The following AKAP13 variants were observed in gnomAD, a reference collection of about 807,000 sequenced individuals.
AKAP13 encodes A-kinase anchoring protein 13.
A neutral mutation model predicts 264.5 loss-of-function variants in AKAP13; 80 were observed. The observed-to-expected ratio is 0.30, with a 90% CI of 0.25 to 0.36. The LOEUF is 0.36. Ranked by LOEUF, AKAP13 falls within the 10% of genes least tolerant of loss-of-function variation. AKAP13 has a pLI of 1.00. For missense variants in AKAP13, 3,712 were observed against 3,435.2 expected (o/e 1.08, Z -2.01); for synonymous variants, 1,380 against 1,250.2 (o/e 1.10, Z -2.19).
intron 1 of AKAP13, among the ~76,000 whole-genome samples, chr15:85,423,072 T>C (rs966867267): frequency 2.0e-5 from 3 of 152,250 alleles, no homozygotes; most frequent in African/African-American, 7.2e-5. Context: ...TAAAAAATGC[T>C]AACAATCATG....
intron 8 of AKAP13, among the ~76,000 whole-genome samples, chr15:85,602,297 T>A (rs959410845): frequency 2.0e-5 from 3 of 151,592 alleles, no homozygotes; most frequent in African/African-American, 7.3e-5. Flanking sequence ...TGCCTCAGCC[T>A]CCCAAGTAGC....
At chr15:85,609,553 A>G (rs1016885878) in intron 8 of AKAP13, among the ~76,000 whole-genome samples, 1 of 152,196 alleles carries the variant, frequency 6.6e-6, no homozygotes, top group African/African-American at 2.4e-5. Context: ...TACCTTGGCT[A>G]TTGCAAACAG....
intron 1 of AKAP13, among the ~76,000 whole-genome samples, chr15:85,383,600 ATTTC>A (rs1246498137): frequency 6.6e-6 from 1 of 152,208 alleles, no homozygotes; most frequent in East Asian, 1.9e-4. Flanking sequence ...ATCGAAGTCT[ATTTC>A]TTCAAAGGTG....
At chr15:85,559,556 G>A (rs976490607) in intron 5 of AKAP13, among the ~76,000 whole-genome samples, 7 of 152,136 alleles carry the variant, frequency 4.6e-5, no homozygotes, top group Admixed American at 4.6e-4. Flanking sequence ...CCCTGAGCTT[G>A]TTTTCCTGCA....
At chr15:85,411,130 T>C (rs758416330) in intron 1 of AKAP13, among the ~76,000 whole-genome samples, 4 of 152,324 alleles carry the variant, frequency 2.6e-5, no homozygotes, top group Non-Finnish European at 5.9e-5. Flanking sequence ...GACCTGATAG[T>C]GCATAGTGCA....
At position 85,581,285 on chromosome 15, in the gene AKAP13, C is replaced by G. The variant is rs1287245111; in HGVS notation, c.3217C>G (p.Gln1073Glu). The change falls in exon 7 of 37, where the codon CAA (glutamine) becomes GAA (glutamate). Residue 1073 changes from glutamine to glutamate, a missense_variant. Around this residue, in one of 3 missense-constraint regions of AKAP13, gnomAD observed 2,759 missense variants for 2,411.7 expected, o/e 1.14. Transcript: ENST00000394518. ...TCTGGATGTTGGAGTGAAGAACACT[C>G]AATCCCAGGGAAAAACTAGTGCCTG... is the stretch of plus-strand genomic sequence containing the variant. The part of the protein sequence containing the change: ...SPLDVGVKNT[Q>E]SQGKTSACEV... The G allele has an allele frequency of 6.2e-7, 1 of 1,614,186 alleles. No homozygotes were observed. Among genetic ancestry groups the G allele is most frequent in the Non-Finnish European group, 8.5e-7 (1 of 1,180,036 alleles).
At chr15:85,692,191 C>A in intron 16 of AKAP13, among the ~76,000 whole-genome samples, 1 of 152,122 alleles carries the variant, frequency 6.6e-6, no homozygotes. Flanking sequence ...ACTTCCTTTC[C>A]CTTACTGCAA....
intron 9 of AKAP13, among the ~76,000 whole-genome samples, chr15:85,643,471 TAGA>T (rs1295065033): frequency 1.3e-5 from 2 of 152,214 alleles, no homozygotes; most frequent in African/African-American, 4.8e-5. Context: ...AACTGTTAAT[TAGA>T]AGAACTATTT....
intron 2 of AKAP13, among the ~76,000 whole-genome samples, chr15:85,505,263 G>T (rs548217013): frequency 2.6e-5 from 4 of 152,284 alleles, no homozygotes; most frequent in Admixed American, 6.5e-5. Flanking sequence ...TTTATTGAGC[G>T]CCATCTGCTG....
chr15:85,736,217 T>A, intron 33 of AKAP13, 83 bp downstream of exon 33: 1 of 1,259,060 alleles, frequency 7.9e-7, no homozygotes, highest in Non-Finnish European at 1.1e-6. Context: ...CTTTTTTTTT[T>A]TTCTTTTTGC....
In AKAP13 at chr15:85,645,934, G is replaced by A; in HGVS notation, c.4354G>A (p.Asp1452Asn). The A allele has an allele frequency of 1.2e-6, 2 of 1,613,670 alleles. No individual in the cohort carries two copies. The highest frequency in any genetic ancestry group is 1.7e-6 in the Non-Finnish European group (2 of 1,179,954). ...DLFHSPSDDM[D>N]SIIFPKPEEE... Reference sequence around the variant, plus strand: ...CTTTCACTCACCCAGTGATGACATGGACAGCATCATCTTCCCAAAGGTACT... The same window carrying A: ...CTTTCACTCACCCAGTGATGACATGAACAGCATCATCTTCCCAAAGGTACT... The change falls in exon 10 of 37, where the codon GAC (aspartate) becomes AAC (asparagine). Residue 1452 changes from aspartate (D) to asparagine (N), a missense_variant. Asp to Asn is a conservative substitution (Grantham distance 23). This residue lies in a region of AKAP13 where 2,759 missense variants were observed against 2,411.7 expected (regional missense o/e 1.14). Transcript: ENST00000394518.
chr15:85,642,949 A>G (rs2082376465), intron 9 of AKAP13, among the ~76,000 whole-genome samples: 1 of 151,682 alleles, frequency 6.6e-6, no homozygotes, highest in African/African-American at 2.4e-5. Context: ...TATTTTTTCA[A>G]GCAGGGAAAG....
At chr15:85,643,952 G>A (rs756880242) in intron 9 of AKAP13, among the ~76,000 whole-genome samples, 4 of 152,196 alleles carry the variant, frequency 2.6e-5, no homozygotes, top group Admixed American at 2.0e-4. Context: ...CATAGCGACA[G>A]GACTGTCCCC....
chr15:85,568,289 CAAAAAAAAAGAAAAAAGG>C (rs1567130035), intron 5 of AKAP13, among the ~76,000 whole-genome samples: 1 of 141,112 alleles, frequency 7.1e-6, no homozygotes, highest in Admixed American at 7.1e-5. Context: ...GACCCTCTAT[CAAAAAAAAAGAAAAAAGG>C]AAAAAAAAAG....
At chr15:85,404,465 A>G (rs2071574717) in intron 1 of AKAP13, among the ~76,000 whole-genome samples, 1 of 152,230 alleles carries the variant, frequency 6.6e-6, no homozygotes, top group Non-Finnish European at 1.5e-5. Flanking sequence ...TTTGAGAAAC[A>G]TATATTGATT....
chr15:85,513,289 T>C (rs1001447487), intron 2 of AKAP13, among the ~76,000 whole-genome samples: 1 of 152,172 alleles, frequency 6.6e-6, no homozygotes, highest in Non-Finnish European at 1.5e-5. Context: ...TTCACATCTG[T>C]ATTGATAGGG....
chr15:85,506,116 G>A (rs957034935), intron 2 of AKAP13, among the ~76,000 whole-genome samples: 9 of 152,138 alleles, frequency 5.9e-5, no homozygotes, highest in Non-Finnish European at 1.2e-4. Context: ...GGCCAACATG[G>A]TGAAACTCCG....
rs537300294 is a variant in AKAP13, at chr15:85,747,599, T to A, written c.*2922T>A. ...CTTCTCTCAATTCCAGTCATCTCAG[T>A]CGTTGTCGTTAGGTGACATGTGCAC... On this transcript the variant is annotated 3_prime_UTR_variant, in exon 37 of 37. Coordinates refer to ENST00000394518, the MANE Select transcript of AKAP13 (RefSeq NM_007200.5). 1.3e-5 allele frequency: 2 copies of A among 152,786 alleles called. No homozygotes were observed. Among genetic ancestry groups the A allele is most frequent in the East Asian group, 3.9e-4 (2 of 5,184 alleles). The allele number at this position is 152,786 out of a possible 1,614,324, so 9.5% of individuals were successfully genotyped here.
At chr15:85,499,948 T>C (rs2075997655) in intron 2 of AKAP13, among the ~76,000 whole-genome samples, 1 of 152,218 alleles carries the variant, frequency 6.6e-6, no homozygotes, top group Non-Finnish European at 1.5e-5. Context: ...TCACAGTACT[T>C]TGTGCATCAT....
Sources: gnomAD v4.1 joint callset for allele counts (sites outside exome capture counted in the v4.1 genomes callset) on GRCh38, gnomAD v4.1.1 for gene constraint, gnomAD v4.1.1 regional missense constraint, MANE v1.5 for transcripts, NCBI Gene and HGNC (gene_info 2026-07-23, HGNC 2026-07-21) for gene names.